Variants in PRIM2 observed in about 807,000 individuals in gnomAD.
PRIM2 encodes the protein DNA primase large subunit.
Under a neutral mutation model 67.3 loss-of-function variants are expected in PRIM2, and 39 were observed. The ratio of observed to expected loss-of-function variants is 0.58; its 90% CI spans 0.45 to 0.76. The LOEUF (loss-of-function observed/expected upper bound fraction) is 0.76. Ranked by LOEUF, PRIM2 falls within the 30% of genes least tolerant of loss-of-function variation. The pLI is 0.00. For synonymous variants in PRIM2, 143 were observed against 198.7 expected (o/e 0.72, Z 2.36); for missense variants, 398 against 598.7 (o/e 0.66, Z 3.50).
chr6:57,372,937 T>TA (rs1197289983), intron 5 of PRIM2, among the ~76,000 whole-genome samples: 1 of 152,116 alleles, frequency 6.6e-6, no homozygotes, highest in Non-Finnish European at 1.5e-5. Context: ...ATCTTTATAA[T>TA]AAAAAAATAA....
At chr6:57,340,065 CAAAAG>C (rs1364328992) in intron 5 of PRIM2, among the ~76,000 whole-genome samples, 1 of 152,028 alleles carries the variant, frequency 6.6e-6, no homozygotes, top group Non-Finnish European at 1.5e-5. Context: ...AGACACTTCT[CAAAAG>C]AAGACATTTA....
intron 12 of PRIM2, among the ~76,000 whole-genome samples, chr6:57,607,028 A>G (rs1232083176): frequency 6.6e-6 from 1 of 152,202 alleles, no homozygotes; most frequent in Non-Finnish European, 1.5e-5. Context: ...TCTACCTTTA[A>G]AAAATTAATA....
rs148908229 is a variant in PRIM2 at position 57,323,940 on chromosome 6, C to T, written c.259-261C>T. Reference sequence around the variant, plus strand: ...CATCATACAGAAGATAAAAAATTAGCGGGGCATGGTGGGTGTCGCTTGTAG... The same window carrying T: ...CATCATACAGAAGATAAAAAATTAGTGGGGCATGGTGGGTGTCGCTTGTAG... On this transcript the variant is annotated intron_variant, in intron 3 of 13. Transcript: ENST00000615550. 5.9e-5 allele frequency among the ~76,000 whole-genome samples: 9 copies of T among 152,004 alleles called. 1 individual carries two copies. Among genetic ancestry groups the T allele is most frequent in the East Asian group, 1.9e-4 (1 of 5,172 alleles).
At chr6:57,319,263 TG>T (rs1211607647) in intron 2 of PRIM2, among the ~76,000 whole-genome samples, 1 of 152,234 alleles carries the variant, frequency 6.6e-6, no homozygotes, top group African/African-American at 2.4e-5. Context: ...GCCACCGTCC[TG>T]GGGGCCTACT....
chr6:57,423,303 T>C (rs1459566281), intron 7 of PRIM2, among the ~76,000 whole-genome samples: 1 of 152,194 alleles, frequency 6.6e-6, no homozygotes, highest in African/African-American at 2.4e-5. Flanking sequence ...TTTCCATTAT[T>C]CTTCAAAGAA....
the PRIM2 span, among the ~76,000 whole-genome samples, chr6:57,256,007 ACG>A: frequency 5.3e-4 from 73 of 137,142 alleles, no homozygotes; most frequent in African/African-American, 2.4e-3. Context: ...CAATTTAGAC[ACG>A]CACACACACA....
Position 57,645,936 on chromosome 6 carries a change from T to C in PRIM2, c.1308T>C (p.Asp436=), listed in dbSNP as rs1327162162. 3.2e-6 allele frequency: 5 copies of C among 1,557,992 alleles called. No individual in the cohort carries two copies. Among genetic ancestry groups the C allele is most frequent in the Non-Finnish European group, 4.4e-6 (5 of 1,130,106 alleles). The change falls in exon 14 of 14, where the codon GAT becomes GAC. Residue 436 remains aspartate, a synonymous_variant. Transcript: ENST00000615550. ...KYFEMIHNVD[D]CGFSLNHPNQ... ...ATTTCCTTCCTTTACAGGTGGATGATTGTGGCTTTTCTTTGAATCATCCTA... is the reference window on the plus strand; with the variant it reads ...ATTTCCTTCCTTTACAGGTGGATGACTGTGGCTTTTCTTTGAATCATCCTA...
At chr6:57,504,846 A>G (rs1439009894) in intron 7 of PRIM2, among the ~76,000 whole-genome samples, 9 of 152,346 alleles carry the variant, frequency 5.9e-5, no homozygotes, top group African/African-American at 2.2e-4. Context: ...TACTTAGTTT[A>G]GTTTTGATTT....
At chr6:57,224,581 T>G in the PRIM2 span, among the ~76,000 whole-genome samples, 1 of 152,054 alleles carries the variant, frequency 6.6e-6, no homozygotes, top group Non-Finnish European at 1.5e-5. Context: ...TAAAAATGGC[T>G]AAAAATGGTA....
rs9475933 is a variant in PRIM2, at chr6:57,417,419, T to C, written c.693+35251T>C. Among the ~76,000 whole-genome samples, 1,389 of 152,294 alleles carry C rather than the reference T, an allele frequency of 9.1e-3. 18 individuals are homozygous for C. Among genetic ancestry groups the C allele is most frequent in the African/African-American group, 0.032 (1,310 of 41,552 alleles). ...TTTTGATATACCTTTCTCACTAAGC[T>C]TAGTCACTTCTAGCATTTGATTTAA... On this transcript the variant is annotated intron_variant, in intron 7 of 13. Coordinates refer to ENST00000615550, the MANE Select transcript of PRIM2 (RefSeq NM_000947.5).
chr6:57,528,359 A>T (rs1291193619), intron 8 of PRIM2, among the ~76,000 whole-genome samples: 2 of 151,384 alleles, frequency 1.3e-5, no homozygotes, highest in Admixed American at 1.3e-4. Flanking sequence ...CTTTGCATTC[A>T]TCGTTGCTAG....
intron 10 of PRIM2, among the ~76,000 whole-genome samples, chr6:57,554,658 T>TA (rs1411221081): frequency 6.6e-6 from 1 of 152,224 alleles, no homozygotes; most frequent in Non-Finnish European, 1.5e-5. Flanking sequence ...ATCTCTTGCA[T>TA]AGGAAAGAAT....
Position 57,646,085 on chromosome 6 carries a change from C to T in PRIM2, c.1457C>T (p.Ala486Val). ...CAGAAAACCAAGGATGCATCATCTGCTCTGGCCTCTTTAAATTCCTCTCTG... is the reference window on the plus strand; with the variant it reads ...CAGAAAACCAAGGATGCATCATCTGTTCTGGCCTCTTTAAATTCCTCTCTG... The part of the protein sequence containing the change: ...SVQKTKDASS[A>V]LASLNSSLEM... The change falls in exon 14 of 14, where the codon GCT becomes GTT. Residue 486 changes from alanine to valine, a missense_variant. Physicochemically the swap from Ala to Val is moderately conservative, Grantham distance 64. Transcript: ENST00000615550. 1.9e-6 allele frequency: 3 copies of T among 1,603,394 alleles called. No individual in the cohort carries two copies. Among genetic ancestry groups the T allele is most frequent in the East Asian group, 4.5e-5 (2 of 44,820 alleles).
chr6:57,251,417 T>C, the PRIM2 span, among the ~76,000 whole-genome samples: 1 of 152,344 alleles, frequency 6.6e-6, no homozygotes, highest in East Asian at 1.9e-4. Context: ...GCAGGGATGT[T>C]CTCTGCCTGT....
intron 10 of PRIM2, among the ~76,000 whole-genome samples, chr6:57,548,731 T>G (rs1397847208): frequency 6.6e-6 from 1 of 152,116 alleles, no homozygotes; most frequent in African/African-American, 2.4e-5. Flanking sequence ...GATGGATATA[T>G]GAAAAATTAT....
At chr6:57,622,033 C>T (rs1438626095) in intron 12 of PRIM2, among the ~76,000 whole-genome samples, 6 of 152,098 alleles carry the variant, frequency 3.9e-5, no homozygotes, top group Admixed American at 3.3e-4. Context: ...TCACTGCAAC[C>T]TCTGCCTCCT....
chr6:57,258,274 C>T, the PRIM2 span, among the ~76,000 whole-genome samples: 2 of 152,022 alleles, frequency 1.3e-5, no homozygotes, highest in East Asian at 1.9e-4. Flanking sequence ...GGCTTGAACC[C>T]GTAAAGTATG....
chr6:57,386,289 G>A (rs1357870435), intron 7 of PRIM2, among the ~76,000 whole-genome samples: 4 of 151,764 alleles, frequency 2.6e-5, no homozygotes, highest in African/African-American at 9.7e-5. Context: ...GTGGTGGCAT[G>A]TGCCCGTAGT....
chr6:57,247,693 G>A, the PRIM2 span, among the ~76,000 whole-genome samples: 33 of 152,246 alleles, frequency 2.2e-4, no homozygotes, highest in Middle Eastern at 3.4e-3. Context: ...TGTCATTTTG[G>A]ACACTAAAAA....
Sources: gnomAD v4.1 joint callset for allele counts (sites outside exome capture counted in the v4.1 genomes callset) on GRCh38, gnomAD v4.1.1 for gene constraint, MANE v1.5 for transcripts, NCBI Gene and HGNC (gene_info 2026-07-23, HGNC 2026-07-21) for gene names.